Variants in FARP1 observed in about 807,000 individuals in gnomAD.
FARP1 encodes the protein FERM, ARH/RhoGEF and pleckstrin domain protein 1.
FARP1 carries 52 observed loss-of-function variants against 128.8 expected under a neutral mutation model. That is an observed-to-expected ratio of 0.40 (90% CI 0.32 to 0.51). The LOEUF is 0.51. Ranked by LOEUF, FARP1 falls within the 20% of genes least tolerant of loss-of-function variation. FARP1 has a pLI of 0.45. For missense variants in FARP1, 1,333 were observed against 1,367.9 expected, an observed-to-expected ratio of 0.97 and a Z score of 0.40; for synonymous variants, 580 against 551.8, an observed-to-expected ratio of 1.05 and a Z score of -0.72.
chr13:98,326,923 C>T (rs1245374471), intron 2 of FARP1, among the ~76,000 whole-genome samples: 4 of 152,072 alleles, frequency 2.6e-5, no homozygotes, highest in South Asian at 2.1e-4. Context: ...TGCTTATTGT[C>T]CTTTGGTATT....
In FARP1 at chr13:98,449,657, C is replaced by G. The variant is rs187736869; in HGVS notation, c.*1340C>G. ...ACTTGCAAACGGACGAAGAGCCTGC[C>G]GTGTGTTAATCATTTGCCTTACAAG... On this transcript the variant is annotated 3_prime_UTR_variant, in exon 27 of 27. Transcript: ENST00000319562. 1 of 152,568 alleles carries G rather than the reference C, an allele frequency of 6.6e-6. No individual in the cohort carries two copies. Among genetic ancestry groups the G allele is most frequent in the South Asian group, 2.1e-4 (1 of 4,814 alleles). The allele number at this position is 152,568 out of a possible 1,614,324, so 9.5% of individuals were successfully genotyped here. A position where few individuals can be genotyped will look rare whatever the true frequency, so the allele number is the denominator to read the frequency against.
chr13:98,411,930 CGCCA>C lies in FARP1; in HGVS notation c.1723_1726del (p.Ala575CysfsTer5). On this transcript the variant is annotated frameshift_variant, in exon 16 of 27. Transcript: ENST00000319562. LOFTEE classifies it high-confidence loss of function. ...TTCAGAGCACAGTGAGCAAAGAGGA[CGCCA>C]TGCCGGAAGCACTGAAAAGTCTCAT... 1 of 1,614,050 alleles carries C rather than the reference CGCCA, an allele frequency of 6.2e-7. No homozygotes were observed. Among genetic ancestry groups the C allele is most frequent in the Non-Finnish European group, 8.5e-7 (1 of 1,179,880 alleles).
chr13:98,192,129 C>A (rs1879270888), intron 1 of FARP1, among the ~76,000 whole-genome samples: 1 of 151,928 alleles, frequency 6.6e-6, no homozygotes, highest in African/African-American at 2.4e-5. Context: ...AAATTGAGTC[C>A]TCTGCATTTC....
rs1891065841 is a variant in FARP1 at position 98,408,555 on chromosome 13, C to T, written c.1415-783C>T. On this transcript the variant is annotated intron_variant, in intron 13 of 26. Transcript: ENST00000319562. The stretch of plus-strand genomic sequence containing the variant: ...TGTTGGCTAGACTGGTCTCAAACTC[C>T]TGACCTCAGGCAATCCGCCTGCCTC... Among the ~76,000 whole-genome samples the T allele has an allele frequency of 2.0e-5, 3 of 152,136 alleles. No homozygotes were observed. In the South Asian group the frequency reaches 6.2e-4, roughly 32 times the overall value.
intron 2 of FARP1, among the ~76,000 whole-genome samples, chr13:98,319,447 C>T (rs1327943243): frequency 5.9e-5 from 9 of 152,142 alleles, no homozygotes; most frequent in Admixed American, 1.3e-4. Flanking sequence ...GGTGAAACCC[C>T]GTCTCTATTA....
In FARP1 at chr13:98,449,426, T is replaced by C; in HGVS notation, c.*1109T>C. ...GGCTTTGGCCCCTACTCGGGAAACG[T>C]CTGCCTGTTCTCGATGGTGATGGGG... On this transcript the variant is annotated 3_prime_UTR_variant, in exon 27 of 27. Transcript: ENST00000319562. 6.6e-6 allele frequency: 1 copy of C among 152,306 alleles called. No individual in the cohort carries two copies. The highest frequency in any genetic ancestry group is 1.5e-5 in the Non-Finnish European group (1 of 68,034). The allele number at this position is 152,306 out of a possible 1,614,324, so 9.4% of individuals were successfully genotyped here. A position where few individuals can be genotyped will look rare whatever the true frequency, so the allele number is the denominator to read the frequency against.
At chr13:98,179,825 C>T (rs1389572396) in intron 1 of FARP1, among the ~76,000 whole-genome samples, 1 of 152,106 alleles carries the variant, frequency 6.6e-6, no homozygotes, top group African/African-American at 2.4e-5. Flanking sequence ...CCACTGCACT[C>T]CAGCCTGGGT....
chr13:98,255,008 C>A (rs928676358), intron 2 of FARP1, among the ~76,000 whole-genome samples: 2 of 151,518 alleles, frequency 1.3e-5, no homozygotes, highest in Non-Finnish European at 2.9e-5. Flanking sequence ...CTTGTAGGAG[C>A]AATTTGTGAA....
intron 12 of FARP1, among the ~76,000 whole-genome samples, chr13:98,394,918 C>T (rs1390870251): frequency 6.6e-6 from 1 of 152,180 alleles, no homozygotes; most frequent in Non-Finnish European, 1.5e-5. Flanking sequence ...GAGTAAGATC[C>T]TGTCTCCCCC....
intron 17 of FARP1, among the ~76,000 whole-genome samples, chr13:98,425,678 A>G (rs2140155494): frequency 6.6e-6 from 1 of 152,296 alleles, no homozygotes; most frequent in Admixed American, 6.5e-5. Context: ...GGCATGAGCC[A>G]TCACCCCTGG....
chr13:98,396,102 A>T, intron 13 of FARP1: 1 of 399,134 alleles, frequency 2.5e-6, no homozygotes, highest in Non-Finnish European at 4.4e-6. Flanking sequence ...TTAGCCAGGT[A>T]GCATTTACCC....
chr13:98,372,106 C>A (rs1421682946), intron 5 of FARP1, among the ~76,000 whole-genome samples: 3 of 59,984 alleles, frequency 5.0e-5, no homozygotes, highest in African/African-American at 1.9e-4. Context: ...TTTTTTTTGG[C>A]GATGGAGTCT....
At chr13:98,411,808 C>A in intron 15 of FARP1, 93 bp from the exon 16 acceptor site, 1 of 1,373,098 alleles carries the variant, frequency 7.3e-7, no homozygotes, top group Non-Finnish European at 1.0e-6. Context: ...TGGCTCCTCC[C>A]AGTGCATTTG....
At position 98,167,215 on chromosome 13, in the gene FARP1, A is replaced by T. The variant is rs189660846; in HGVS notation, c.-24+23723A>T. On this transcript the variant is annotated intron_variant, in intron 1 of 26. Coordinates refer to ENST00000319562, the MANE Select transcript of FARP1 (RefSeq NM_005766.4). Reference sequence around the variant, plus strand: ...CTTATTGATTTATAGGACTTCCTTTATATATGGAGAATTCTTAATTGATTT... The same window carrying T: ...CTTATTGATTTATAGGACTTCCTTTTTATATGGAGAATTCTTAATTGATTT... Among the ~76,000 whole-genome samples the T allele has an allele frequency of 2.5e-3, 387 of 152,168 alleles. 2 individuals are homozygous for T. The highest frequency in any genetic ancestry group is 8.9e-3 in the African/African-American group (371 of 41,534).
At chr13:98,282,959 A>AT (rs1177856591) in intron 2 of FARP1, among the ~76,000 whole-genome samples, 24 of 152,106 alleles carry the variant, frequency 1.6e-4, no homozygotes, top group East Asian at 1.5e-3. Context: ...CAAATGCTTT[A>AT]TTTTTTTTGA....
rs573067733 is a variant in FARP1, at chr13:98,384,242, G to C, written c.497-488G>C. 1.2e-3 allele frequency: 186 copies of C among 155,718 alleles called. 1 individual carries two copies. The highest frequency in any genetic ancestry group is 1.7e-3 in the Non-Finnish European group (118 of 70,250). 9.6% of individuals were successfully genotyped at this position (155,718 alleles called of 1,614,324 possible). On this transcript the variant is annotated intron_variant, in intron 6 of 26. Coordinates refer to ENST00000319562, the MANE Select transcript of FARP1 (RefSeq NM_005766.4). ...GAGTCTTGCTCTGTCGCCCAGGCTAGAGTGCAGTGGCACGATCTTGGCTCA... is the reference window on the plus strand; with the variant it reads ...GAGTCTTGCTCTGTCGCCCAGGCTACAGTGCAGTGGCACGATCTTGGCTCA...
intron 11 of FARP1, among the ~76,000 whole-genome samples, chr13:98,393,433 G>A (rs583704): frequency 0.2 from 30,532 of 152,116 alleles, 3,992 homozygotes; most frequent in African/African-American, 0.37. Context: ...GAATTTCTCC[G>A]AGATTTAAGT....
intron 1 of FARP1, among the ~76,000 whole-genome samples, chr13:98,205,141 C>A (rs1328216949): frequency 6.6e-6 from 1 of 152,120 alleles, no homozygotes; most frequent in South Asian, 2.1e-4. Context: ...ATGATTCCTT[C>A]CTAAAGTTTG....
At chr13:98,265,529 CG>C (rs1194957308) in intron 2 of FARP1, among the ~76,000 whole-genome samples, 1 of 150,988 alleles carries the variant, frequency 6.6e-6, no homozygotes, top group Non-Finnish European at 1.5e-5. Flanking sequence ...CCGTTTTAGC[CG>C]GGATGGTCTC....
Sources: gnomAD v4.1 joint callset for allele counts (sites outside exome capture counted in the v4.1 genomes callset) on GRCh38, gnomAD v4.1.1 for gene constraint, MANE v1.5 for transcripts, NCBI Gene and HGNC (gene_info 2026-07-23, HGNC 2026-07-21) for gene names.